Variants in EIF4A3 observed in about 807,000 individuals in gnomAD.
The protein encoded by EIF4A3 is eukaryotic translation initiation factor 4A3.
In EIF4A3, 1 loss-of-function variant was observed where a neutral mutation model predicts 55.6. The observed-to-expected ratio is 0.02, with a 90% CI of 0.01 to 0.09. EIF4A3 has a LOEUF of 0.09. EIF4A3 is among the 10% of genes least tolerant of loss of function. The pLI is 1.00. For missense variants in EIF4A3, 221 were observed against 540.7 expected (o/e 0.41, Z 5.86); for synonymous variants, 194 against 196.3 (o/e 0.99, Z 0.10).
At chr17:80,143,453 G>T (rs1233262723) in intron 2 of EIF4A3, among the ~76,000 whole-genome samples, 6 of 152,116 alleles carry the variant, frequency 3.9e-5, no homozygotes, top group Non-Finnish European at 8.8e-5. Flanking sequence ...GTAGTCATGG[G>T]GACTGAGCCG....
At chr17:80,140,233 C>A in intron 4 of EIF4A3, 93 bp from the exon 5 acceptor site, 1 of 1,349,446 alleles carries the variant, frequency 7.4e-7, no homozygotes. Context: ...AGATGATCAC[C>A]GATTATTATT....
chr17:80,137,824 G>A (rs1223662380), intron 8 of EIF4A3, among the ~76,000 whole-genome samples: 4 of 152,036 alleles, frequency 2.6e-5, no homozygotes, highest in East Asian at 1.9e-4. Context: ...GAAAGTGGCC[G>A]ACAGTTCTCA....
chr17:80,143,817 TA>T (rs1567850931), intron 2 of EIF4A3, among the ~76,000 whole-genome samples: 1 of 151,846 alleles, frequency 6.6e-6, no homozygotes, highest in East Asian at 1.9e-4. Flanking sequence ...CCGTCTCTAC[TA>T]AAAATATGAA....
chr17:80,138,652 AG>A (rs1203728266), intron 7 of EIF4A3: 1 of 334,290 alleles, frequency 3.0e-6, no homozygotes, highest in East Asian at 6.3e-5. Context: ...GCTGAAGTAC[AG>A]TGGCACAATC....
intron 2 of EIF4A3, among the ~76,000 whole-genome samples, chr17:80,143,611 C>G (rs1248826998): frequency 6.6e-6 from 1 of 152,176 alleles, no homozygotes; most frequent in Non-Finnish European, 1.5e-5. Flanking sequence ...AGGAAAAGCA[C>G]AGTCTGTTTT....
rs1245804026 is a variant in EIF4A3, at chr17:80,138,255, T to C, written c.754A>G (p.Lys252Glu). 1 of 1,613,896 alleles carries C rather than the reference T, an allele frequency of 6.2e-7. No individual in the cohort carries two copies. Among genetic ancestry groups the C allele is most frequent in the Non-Finnish European group, 8.5e-7 (1 of 1,180,036 alleles). Residue 252 changes from lysine to glutamate, a missense_variant, in exon 8 of 12, where the codon AAG becomes GAG. Lys to Glu is a moderately conservative substitution (Grantham distance 56, BLOSUM62 1). This residue lies in a region of EIF4A3 where 93 missense variants were observed against 278.5 expected (regional missense o/e 0.33). Transcript: ENST00000649764. ...CTCTCCACTGCCACGAAAAATTGCT[T>C]GATGCCTTCCAGAGTCAATTCATCA... is the stretch of plus-strand genomic sequence containing the variant. ...KRDELTLEGI[K>E]QFFVAVEREE...
chr17:80,139,858 G>A, intron 5 of EIF4A3, 108 bp from the exon 6 acceptor site: 1 of 1,491,858 alleles, frequency 6.7e-7, no homozygotes, highest in Non-Finnish European at 9.1e-7. Context: ...CTGGTCTCAG[G>A]GTTCCAGAGA....
chr17:80,146,538 G>A (rs2039664553), intron 1 of EIF4A3, among the ~76,000 whole-genome samples: 1 of 152,224 alleles, frequency 6.6e-6, no homozygotes, highest in Non-Finnish European at 1.5e-5. Flanking sequence ...GAGGTGCCTC[G>A]AAGCGGCTGC....
In EIF4A3 at chr17:80,146,913, G is replaced by A; in HGVS notation, c.49C>T (p.Leu17=). 1 of 1,609,782 alleles carries A rather than the reference G, an allele frequency of 6.2e-7. No individual in the cohort carries two copies. The highest frequency in any genetic ancestry group is 8.5e-7 in the Non-Finnish European group (1 of 1,178,508). ...MATSGSARKR[L]LKEEDMTKVE... is the part of the protein sequence containing the mutation. The stretch of plus-strand genomic sequence containing the variant: ...TTAGTCATGTCTTCCTCTTTGAGCA[G>A]CCGCTTTCGCGCCGAGCCCGAGGTC... The change falls in exon 1 of 12, where the codon CTG becomes TTG. Residue 17 remains leucine, a synonymous_variant. Transcript: ENST00000649764.
chr17:80,137,608 G>A (rs2039583333), intron 8 of EIF4A3, 107 bp from the exon 9 acceptor site: 3 of 829,974 alleles, frequency 3.6e-6, no homozygotes, highest in South Asian at 1.8e-5. Context: ...ATATTCGTAA[G>A]GTAACTGCTC....
intron 3 of EIF4A3, 95 bp downstream of exon 3, chr17:80,141,687 T>C: frequency 4.5e-6 from 6 of 1,326,292 alleles, no homozygotes; most frequent in Non-Finnish European, 6.3e-6. Context: ...TACTAGAAAA[T>C]TTTAAATTGT....
Position 80,135,414 on chromosome 17 carries a change from G to A in EIF4A3, c.*76C>T. On this transcript the variant is annotated 3_prime_UTR_variant, in exon 12 of 12. Transcript: ENST00000649764. ...AAGTCCATATAAACCCCATTAAGTAGAATCTGGATCTAAATACTTCCAAAC... is the reference window on the plus strand; with the variant it reads ...AAGTCCATATAAACCCCATTAAGTAAAATCTGGATCTAAATACTTCCAAAC... 1 of 1,502,702 alleles carries A rather than the reference G, an allele frequency of 6.7e-7. No individual in the cohort carries two copies. Among genetic ancestry groups the A allele is most frequent in the Non-Finnish European group, 8.9e-7 (1 of 1,127,088 alleles). 93.1% of individuals were successfully genotyped at this position (1,502,702 alleles called of 1,614,324 possible).
intron 4 of EIF4A3, chr17:80,140,346 C>T (rs983778074): frequency 6.2e-5 from 33 of 535,602 alleles, no homozygotes; most frequent in Non-Finnish European, 8.9e-5. Flanking sequence ...CGGAGTCTCA[C>T]TCTGTGGCCC....
At chr17:80,146,273 T>G (rs2039661891) in intron 1 of EIF4A3, among the ~76,000 whole-genome samples, 1 of 152,076 alleles carries the variant, frequency 6.6e-6, no homozygotes, top group African/African-American at 2.4e-5. Context: ...TCCAGAACTC[T>G]GCTCAAATGG....
chr17:80,147,026 G>A lies in EIF4A3; in HGVS notation c.-65C>T. The stretch of plus-strand genomic sequence containing the variant: ...CGACCTCGCTGCCGCTGCCGACCTC[G>A]CTGTGCCGCTGCCGACCTCGCTGCC... On this transcript the variant is annotated 5_prime_UTR_variant, in exon 1 of 12. Transcript: ENST00000649764. The A allele has an allele frequency of 1.4e-6, 2 of 1,386,570 alleles. No homozygotes were observed. The highest frequency in any genetic ancestry group is 2.9e-5 in the South Asian group (2 of 68,424). The allele number at this position is 1,386,570 out of a possible 1,614,324, so 85.9% of individuals were successfully genotyped here.
At chr17:80,146,501 T>A (rs1203593764) in intron 1 of EIF4A3, among the ~76,000 whole-genome samples, 1 of 152,162 alleles carries the variant, frequency 6.6e-6, no homozygotes, top group African/African-American at 2.4e-5. Context: ...TAGGTAGAAA[T>A]CAGTTATCTG....
At chr17:80,136,593 T>C (rs2039572449) in intron 9 of EIF4A3, 1 of 505,320 alleles carries the variant, frequency 2.0e-6, no homozygotes, top group South Asian at 3.1e-5. Context: ...TTTACTAGAC[T>C]ATCTTTAACT....
In EIF4A3 at chr17:80,136,305, G is replaced by A; in HGVS notation, c.1014C>T (p.Ala338=). 1 of 1,614,012 alleles carries A rather than the reference G, an allele frequency of 6.2e-7. No homozygotes were observed. Among genetic ancestry groups the A allele is most frequent in the Non-Finnish European group, 8.5e-7 (1 of 1,179,966 alleles). ...SRVLISTDVW[A]RGLDVPQVSL... ...ACACCTGAGGGACATCCAACCCCCTGGCCCAGACATCTGTAGAAATAAGCA... is the reference window on the plus strand; with the variant it reads ...ACACCTGAGGGACATCCAACCCCCTAGCCCAGACATCTGTAGAAATAAGCA... The change falls in exon 10 of 12, where the codon GCC becomes GCT. Residue 338 remains alanine, a synonymous_variant. Transcript: ENST00000649764.
At chr17:80,141,756 A>T in intron 3 of EIF4A3, 26 bp downstream of exon 3, 1 of 1,589,516 alleles carries the variant, frequency 6.3e-7, no homozygotes, top group Non-Finnish European at 8.6e-7. Context: ...ATTACATAAC[A>T]GTTTGTTTTA....
Sources: gnomAD v4.1 joint callset for allele counts (sites outside exome capture counted in the v4.1 genomes callset) on GRCh38, gnomAD v4.1.1 for gene constraint, gnomAD v4.1.1 regional missense constraint, MANE v1.5 for transcripts, NCBI Gene and HGNC (gene_info 2026-07-23, HGNC 2026-07-21) for gene names.